Variants in VWC2 observed in about 807,000 individuals in gnomAD.
VWC2 encodes brorin.
VWC2 carries 14 observed loss-of-function variants against 29.8 expected under a neutral mutation model. That is an observed-to-expected ratio of 0.47 (90% CI 0.31 to 0.74). VWC2 has a LOEUF of 0.74. Among genes scored for constraint, VWC2 ranks in the 30% least tolerant of loss-of-function variants. VWC2 has a pLI of 0.05. For synonymous variants in VWC2, 213 were observed against 199.0 expected (o/e 1.07, Z -0.59); for missense variants, 457 against 459.8 (o/e 0.99, Z 0.05).
chr7:49,912,123 G>A lies in VWC2; in HGVS notation c.916G>A (p.Glu306Lys). ...CACCATATGCCACTGTACTTATGAG[G>A]AAGGCACATGGAGAATCGAGCGGCA... ...ECTICHCTYE[E>K]GTWRIERQAM... Residue 306 changes from glutamate to lysine, a missense_variant, in exon 4 of 4, where the codon GAA (glutamate) becomes AAA (lysine). By Grantham distance (56) the Glu-to-Lys change is moderately conservative. Around this residue, in one of 2 missense-constraint regions of VWC2, gnomAD observed 185 missense variants for 257.1 expected, o/e 0.72. Transcript: ENST00000340652. 6.2e-7 allele frequency: 1 copy of A among 1,614,116 alleles called. No homozygotes were observed. The highest frequency in any genetic ancestry group is 8.5e-7 in the Non-Finnish European group (1 of 1,180,008).
At chr7:49,879,671 G>C (rs1179043129) in intron 3 of VWC2, among the ~76,000 whole-genome samples, 1 of 152,030 alleles carries the variant, frequency 6.6e-6, no homozygotes, top group Admixed American at 6.6e-5. Context: ...CAGTTTTTGT[G>C]ATATTTAATC....
chr7:49,800,014 A>T (rs1321151687), intron 2 of VWC2, among the ~76,000 whole-genome samples: 1 of 152,252 alleles, frequency 6.6e-6, no homozygotes, highest in Non-Finnish European at 1.5e-5. Context: ...GGGGCACATG[A>T]GTGCGGCTGA....
intron 3 of VWC2, among the ~76,000 whole-genome samples, chr7:49,894,148 CTAGGCTTTTTCT>C (rs1375892234): frequency 1.6e-4 from 19 of 120,500 alleles, no homozygotes; most frequent in African/African-American, 5.3e-4. Context: ...TGTGTCGTTT[CTAGGCTTTTTCT>C]TTTCTTTCTT....
chr7:49,874,548 A>ATGTGTGTG (rs3062201), intron 3 of VWC2, among the ~76,000 whole-genome samples: 1 of 147,644 alleles, frequency 6.8e-6, no homozygotes, highest in South Asian at 2.1e-4. Flanking sequence ...ATGACTATAT[A>ATGTGTGTG]TGTGTGTGTG....
At chr7:49,866,655 C>T (rs562077820) in intron 3 of VWC2, among the ~76,000 whole-genome samples, 2 of 152,204 alleles carry the variant, frequency 1.3e-5, no homozygotes, top group South Asian at 4.1e-4. Flanking sequence ...GTTTTGACAT[C>T]TATCACAGGT....
chr7:49,824,522 T>G (rs1473013935), intron 3 of VWC2, among the ~76,000 whole-genome samples: 1 of 152,194 alleles, frequency 6.6e-6, no homozygotes, highest in East Asian at 1.9e-4. Flanking sequence ...CAACTTTATT[T>G]TTTAAAATTC....
intron 3 of VWC2, among the ~76,000 whole-genome samples, chr7:49,878,796 C>G (rs572130917): frequency 6.6e-6 from 1 of 152,216 alleles, no homozygotes; most frequent in East Asian, 1.9e-4. Flanking sequence ...GGCAACCATG[C>G]CTGCTTTTGT....
chr7:49,804,449 A>G (rs531817718), intron 3 of VWC2, among the ~76,000 whole-genome samples: 1 of 152,282 alleles, frequency 6.6e-6, no homozygotes, highest in African/African-American at 2.4e-5. Context: ...GGACGACAAC[A>G]ACTCTCACTG....
chr7:49,910,984 C>T (rs1190023177), intron 3 of VWC2, among the ~76,000 whole-genome samples: 1 of 152,162 alleles, frequency 6.6e-6, no homozygotes, highest in East Asian at 1.9e-4. Context: ...CCTCGGAGGC[C>T]TGGAAGGTAT....
chr7:49,856,728 T>C (rs1459751908), intron 3 of VWC2, among the ~76,000 whole-genome samples: 1 of 152,166 alleles, frequency 6.6e-6, no homozygotes, highest in Non-Finnish European at 1.5e-5. Flanking sequence ...TTTTGTTCTG[T>C]TTGTTTTGTG....
Position 49,920,378 on chromosome 7 carries a change from T to C in VWC2, c.*8193T>C. ...TCATCTTTCTATACATGCATGCATCTATACAAATGGTTAAACAGTTACTCT... is the reference window on the plus strand; with the variant it reads ...TCATCTTTCTATACATGCATGCATCCATACAAATGGTTAAACAGTTACTCT... On this transcript the variant is annotated 3_prime_UTR_variant, in exon 4 of 4. Coordinates refer to ENST00000340652, the MANE Select transcript of VWC2 (RefSeq NM_198570.5). 6.6e-6 allele frequency: 1 copy of C among 152,222 alleles called. No homozygotes were observed. The highest frequency in any genetic ancestry group is 1.9e-4 in the East Asian group (1 of 5,208). The allele number at this position is 152,222 out of a possible 1,614,324, so 9.4% of individuals were successfully genotyped here. A position where few individuals can be genotyped will look rare whatever the true frequency, so the allele number is the denominator to read the frequency against.
intron 3 of VWC2, among the ~76,000 whole-genome samples, chr7:49,862,444 A>G (rs922079065): frequency 5.9e-5 from 9 of 152,102 alleles, no homozygotes; most frequent in Non-Finnish European, 1.3e-4. Context: ...TTCCTTTCCA[A>G]TTTGGATGCT....
chr7:49,863,211 A>G (rs1338213651), intron 3 of VWC2, among the ~76,000 whole-genome samples: 1 of 152,074 alleles, frequency 6.6e-6, no homozygotes, highest in South Asian at 2.1e-4. Flanking sequence ...GTTTCTAGGA[A>G]TTTGTCCATT....
intron 2 of VWC2, among the ~76,000 whole-genome samples, chr7:49,790,121 A>G (rs1285499051): frequency 6.6e-6 from 1 of 152,090 alleles, no homozygotes. Context: ...TGAAGTGTAA[A>G]CCCTGCCACT....
intron 3 of VWC2, among the ~76,000 whole-genome samples, chr7:49,805,943 G>A (rs1788866307): frequency 6.6e-6 from 1 of 152,218 alleles, no homozygotes; most frequent in Non-Finnish European, 1.5e-5. Flanking sequence ...CAAAGGAGCA[G>A]AAGTTGGAAA....
At chr7:49,828,838 C>G (rs1029528410) in intron 3 of VWC2, among the ~76,000 whole-genome samples, 5 of 152,184 alleles carry the variant, frequency 3.3e-5, no homozygotes, top group African/African-American at 1.2e-4. Context: ...TAAGCAGGCT[C>G]TTACACTCTG....
chr7:49,798,552 A>T (rs1262014579), intron 2 of VWC2, among the ~76,000 whole-genome samples: 1 of 152,134 alleles, frequency 6.6e-6, no homozygotes, highest in Non-Finnish European at 1.5e-5. Flanking sequence ...AGCTGCTTTT[A>T]TGAGTGTACA....
At chr7:49,859,640 G>A (rs78176580) in intron 3 of VWC2, among the ~76,000 whole-genome samples, 4,790 of 152,304 alleles carry the variant, frequency 0.031, 233 homozygotes, top group African/African-American at 0.11. Context: ...CCTATTGCAT[G>A]CGAATACTGT....
chr7:49,866,945 C>T (rs1276744224), intron 3 of VWC2, among the ~76,000 whole-genome samples: 1 of 152,208 alleles, frequency 6.6e-6, no homozygotes, highest in African/African-American at 2.4e-5. Context: ...CACACAGACC[C>T]AGAAGCCCAC....
Sources: allele counts gnomAD v4.1 joint callset (sites outside exome capture counted in the v4.1 genomes callset), GRCh38; gene constraint gnomAD v4.1.1; regional missense constraint gnomAD v4.1.1; transcripts MANE v1.5; gene names NCBI Gene and HGNC (gene_info 2026-07-23, HGNC 2026-07-21).